BNC2: variants seen among roughly 807,000 people sequenced by gnomAD.
BNC2 encodes the protein zinc finger protein basonuclin-2.
Under a neutral mutation model 76.3 loss-of-function variants are expected in BNC2, and 20 were observed. That is an observed-to-expected ratio of 0.26 (90% CI 0.18 to 0.38). The LOEUF (loss-of-function observed/expected upper bound fraction) is 0.38, where lower values mean the gene tolerates loss of function less well. Ranked by LOEUF, BNC2 falls within the 10% of genes least tolerant of loss-of-function variation. The pLI, the probability that BNC2 is intolerant of heterozygous loss-of-function variation, is 1.00. For synonymous variants in BNC2, 582 were observed against 514.8 expected (o/e 1.13, Z -1.77); for missense variants, 1,382 against 1,399.8 (o/e 0.99, Z 0.20).
chr9:16,859,215 G>A (rs749639167), intron 1 of BNC2, among the ~76,000 whole-genome samples: 1 of 152,052 alleles, frequency 6.6e-6, no homozygotes, highest in Non-Finnish European at 1.5e-5. Flanking sequence ...TAAGCTGTGA[G>A]GTTGTAGAGA....
intron 3 of BNC2, among the ~76,000 whole-genome samples, chr9:16,628,067 C>A (rs910181961): frequency 2.6e-5 from 4 of 152,172 alleles, no homozygotes; most frequent in Admixed American, 2.6e-4. Context: ...GTTTTTACCA[C>A]ATCCTAACAA....
At position 16,551,118 on chromosome 9, in the gene BNC2, G is replaced by A. The variant is rs116407890; in HGVS notation, c.669+1412C>T. On this transcript the variant is annotated intron_variant, in intron 5 of 6. Transcript: ENST00000380672. ...CCCATCCTGAGGCAAATGAGATAAT[G>A]CTTGTAAACATTCTGTATAAACTGA... Among the ~76,000 whole-genome samples the A allele has an allele frequency of 2.4e-3, 369 of 152,194 alleles. 2 individuals are homozygous for A. Among genetic ancestry groups the A allele is most frequent in the African/African-American group, 8.5e-3 (351 of 41,518 alleles).
intron 5 of BNC2, among the ~76,000 whole-genome samples, chr9:16,520,091 G>C (rs1435021919): frequency 6.6e-6 from 1 of 152,216 alleles, no homozygotes; most frequent in Non-Finnish European, 1.5e-5. Flanking sequence ...GCAGGATGAT[G>C]TCTGCTCCCT....
rs528528547 is a variant in BNC2 at position 16,419,727 on chromosome 9, T to C, written c.2640-78A>G. On this transcript the variant is annotated intron_variant, in intron 6 of 6. Transcript: ENST00000380672. ...GAGAAAAAGGAAAGCATTTTAAAATTGATTCAGCTTTCACTAGGTATCAAA... is the reference window on the plus strand; with the variant it reads ...GAGAAAAAGGAAAGCATTTTAAAATCGATTCAGCTTTCACTAGGTATCAAA... 2.8e-5 allele frequency: 26 copies of C among 936,528 alleles called. No homozygotes were observed. The East Asian group carries it at 7.3e-4, about 26-fold the overall frequency. The allele number at this position is 936,528 out of a possible 1,614,324, so 58.0% of individuals were successfully genotyped here.
At chr9:16,492,420 C>A (rs1323107491) in intron 5 of BNC2, among the ~76,000 whole-genome samples, 1 of 152,138 alleles carries the variant, frequency 6.6e-6, no homozygotes, top group Non-Finnish European at 1.5e-5. Context: ...GCTAAAAATG[C>A]TTAAAACATG....
chr9:16,498,218 C>A (rs1822439924), intron 5 of BNC2, among the ~76,000 whole-genome samples: 1 of 89,066 alleles, frequency 1.1e-5, no homozygotes, highest in African/African-American at 5.3e-5. Context: ...TATATATATT[C>A]CATCATATAT....
At chr9:16,651,781 A>AC (rs1821800856) in intron 3 of BNC2, among the ~76,000 whole-genome samples, 3 of 152,220 alleles carry the variant, frequency 2.0e-5, no homozygotes, top group Admixed American at 1.3e-4. Flanking sequence ...ACATGATACT[A>AC]ACAAGGCAAG....
chr9:16,561,802 G>A (rs545660990), intron 4 of BNC2, among the ~76,000 whole-genome samples: 109 of 152,110 alleles, frequency 7.2e-4, no homozygotes, highest in African/African-American at 2.5e-3. Flanking sequence ...CTAGGAGTTC[G>A]ACACCAGCCT....
intron 1 of BNC2, among the ~76,000 whole-genome samples, chr9:16,866,929 T>A (rs904112095): frequency 6.6e-6 from 1 of 152,172 alleles, no homozygotes; most frequent in Admixed American, 6.5e-5. Flanking sequence ...CTGTTTCTTG[T>A]AAGGATGTAG....
chr9:16,859,875 C>A (rs2136200963), intron 1 of BNC2, among the ~76,000 whole-genome samples: 1 of 152,366 alleles, frequency 6.6e-6, no homozygotes, highest in Non-Finnish European at 1.5e-5. Flanking sequence ...TATCCCAGCA[C>A]TTTGGGAGGC....
chr9:16,781,010 A>C (rs1826137207), intron 1 of BNC2, among the ~76,000 whole-genome samples: 1 of 151,382 alleles, frequency 6.6e-6, no homozygotes. Context: ...CCTTTGTTTG[A>C]AAAAAAAAGA....
chr9:16,842,944 G>A (rs1818872022), intron 1 of BNC2, among the ~76,000 whole-genome samples: 1 of 152,042 alleles, frequency 6.6e-6, no homozygotes, highest in African/African-American at 2.4e-5. Flanking sequence ...TAGAGACGCA[G>A]TTTCGCCATG....
intron 1 of BNC2, among the ~76,000 whole-genome samples, chr9:16,793,475 T>C (rs949445676): frequency 2.6e-5 from 4 of 152,026 alleles, no homozygotes; most frequent in Non-Finnish European, 5.9e-5. Flanking sequence ...ATTCTAGTTT[T>C]CTTTTGTCCT....
chr9:16,582,932 C>CAT, intron 4 of BNC2, 51 bp downstream of exon 4: 1 of 1,347,766 alleles, frequency 7.4e-7, no homozygotes, highest in Non-Finnish European at 1.1e-6. Context: ...CACACACACA[C>CAT]ACGAACATGA....
At chr9:16,783,266 A>C (rs1393241469) in intron 1 of BNC2, among the ~76,000 whole-genome samples, 1 of 152,196 alleles carries the variant, frequency 6.6e-6, no homozygotes, top group Non-Finnish European at 1.5e-5. Context: ...AAAGTAAATA[A>C]AACATTCTGC....
intron 6 of BNC2, among the ~76,000 whole-genome samples, chr9:16,430,555 G>T (rs1820889097): frequency 6.6e-6 from 1 of 152,170 alleles, no homozygotes; most frequent in Non-Finnish European, 1.5e-5. Context: ...TGCTGAGAAG[G>T]TGGTAACAGG....
chr9:16,447,443 T>C (rs1821252647), intron 5 of BNC2, among the ~76,000 whole-genome samples: 1 of 152,146 alleles, frequency 6.6e-6, no homozygotes, highest in African/African-American at 2.4e-5. Flanking sequence ...ATCACTTTAA[T>C]TAAAATGTTA....
chr9:16,743,243 C>A (rs1424567764), intron 1 of BNC2, among the ~76,000 whole-genome samples: 1 of 152,188 alleles, frequency 6.6e-6, no homozygotes, highest in Admixed American at 6.5e-5. Context: ...AGTGTACAAG[C>A]TTTCTGCTAC....
chr9:16,797,892 A>G (rs1302457834), intron 1 of BNC2, among the ~76,000 whole-genome samples: 1 of 152,218 alleles, frequency 6.6e-6, no homozygotes, highest in Non-Finnish European at 1.5e-5. Context: ...TCAGAAGGAA[A>G]GTATGGGATA....
Sources: gnomAD v4.1 joint callset for allele counts (sites outside exome capture counted in the v4.1 genomes callset) on GRCh38, gnomAD v4.1.1 for gene constraint, MANE v1.5 for transcripts, NCBI Gene and HGNC (gene_info 2026-07-23, HGNC 2026-07-21) for gene names.